EYA1: variants seen among roughly 807,000 people sequenced by gnomAD.
EYA1 encodes the protein EYA transcriptional coactivator and phosphatase 1, also known as protein phosphatase EYA1.
A neutral mutation model predicts 82.0 loss-of-function variants in EYA1; 16 were observed. The observed-to-expected ratio is 0.20, with a 90% CI of 0.13 to 0.30. The LOEUF is 0.30. Ranked by LOEUF, EYA1 falls within the 10% of genes least tolerant of loss-of-function variation. The pLI, the probability that EYA1 is intolerant of heterozygous loss-of-function variation, is 1.00. For missense variants in EYA1, 633 were observed against 730.7 expected, an observed-to-expected ratio of 0.87 and a Z score of 1.54; for synonymous variants, 261 against 264.4, an observed-to-expected ratio of 0.99 and a Z score of 0.12.
intron 2 of EYA1, chr8:71,448,962 T>G (rs1278827702): frequency 6.0e-6 from 1 of 165,742 alleles, no homozygotes; most frequent in Non-Finnish European, 1.4e-5. Flanking sequence ...CTTCTTGCCT[T>G]ATGTCATGAA....
Position 71,374,017 on chromosome 8 carries a change from T to C in EYA1, c.34-17506A>G, listed in dbSNP as rs1160320809. The stretch of plus-strand genomic sequence containing the variant: ...TGGATTAAAGATCTAAATGTAAGAC[T>C]TGATACCATACAACTCTTAGAAGAA... On this transcript the variant is annotated intron_variant, in intron 2 of 18. Transcript: ENST00000643681. Among the ~76,000 whole-genome samples, 4 of 152,144 alleles carry C rather than the reference T, an allele frequency of 2.6e-5. No individual in the cohort carries two copies. The East Asian group carries it at 7.7e-4, about 29-fold the overall frequency.
chr8:71,495,093 G>A (rs963998322), intron 2 of EYA1, among the ~76,000 whole-genome samples: 2 of 151,612 alleles, frequency 1.3e-5, no homozygotes, highest in East Asian at 1.9e-4. Context: ...TAAAAAAAAA[G>A]AAAGAAAAGA....
At chr8:71,509,989 G>T (rs1812474516) in intron 2 of EYA1, among the ~76,000 whole-genome samples, 1 of 151,402 alleles carries the variant, frequency 6.6e-6, no homozygotes, top group Admixed American at 6.6e-5. Flanking sequence ...GGTATTTTTA[G>T]ATTATTGTTC....
chr8:71,244,576 A>G, intron 12 of EYA1, 27 bp downstream of exon 12: 1 of 1,205,874 alleles, frequency 8.3e-7, no homozygotes, highest in Non-Finnish European at 1.2e-6. Context: ...AGACATGCAA[A>G]AATATGTATT....
At chr8:71,497,903 C>T (rs989509505) in intron 2 of EYA1, among the ~76,000 whole-genome samples, 2 of 151,852 alleles carry the variant, frequency 1.3e-5, no homozygotes, top group African/African-American at 2.4e-5. Flanking sequence ...CTGTCATTTG[C>T]GAGAACATAA....
At chr8:71,348,489 C>CTATT (rs976260896) in intron 3 of EYA1, among the ~76,000 whole-genome samples, 1 of 152,212 alleles carries the variant, frequency 6.6e-6, no homozygotes, top group Admixed American at 6.5e-5. Context: ...ATTCTCTGCA[C>CTATT]TATTAGCAAT....
chr8:71,403,320 T>A (rs1189622862), intron 2 of EYA1: 1 of 152,216 alleles, frequency 6.6e-6, no homozygotes, highest in Non-Finnish European at 1.5e-5. Context: ...GTATCATTAC[T>A]ATCAAACCTA....
intron 2 of EYA1, among the ~76,000 whole-genome samples, chr8:71,486,677 C>T (rs1205531251): frequency 2.0e-5 from 3 of 152,192 alleles, no homozygotes; most frequent in Non-Finnish European, 4.4e-5. Flanking sequence ...GACCTGACAG[C>T]AGGGGCAGAT....
chr8:71,452,514 C>G (rs915848239), intron 2 of EYA1, among the ~76,000 whole-genome samples: 5 of 152,156 alleles, frequency 3.3e-5, no homozygotes, highest in African/African-American at 1.2e-4. Context: ...CTGGGAGGCA[C>G]CCCCCAGTAG....
At chr8:71,527,011 T>C (rs1813867531) in intron 2 of EYA1, among the ~76,000 whole-genome samples, 1 of 152,196 alleles carries the variant, frequency 6.6e-6, no homozygotes, top group Admixed American at 6.5e-5. Flanking sequence ...AAATTGTATA[T>C]GATACTATAC....
At position 71,202,248 on chromosome 8, in the gene EYA1, T is replaced by TAAA. The variant is rs57115257; in HGVS notation, c.1699-2831_1699-2829dup. Among the ~76,000 whole-genome samples, 7 of 147,638 alleles carry TAAA rather than the reference T, an allele frequency of 4.7e-5. No individual in the cohort carries two copies. In the East Asian group the frequency reaches 9.8e-4, roughly 21 times the overall value. On this transcript the variant is annotated intron_variant, in intron 17 of 17. Transcript: ENST00000340726. Reference sequence around the variant, plus strand: ...CTCTCAGAGAAATCAAAAAGGGAACTAAAAAAAAAAAATCCAGCTACTTCT... The same window carrying TAAA: ...CTCTCAGAGAAATCAAAAAGGGAACTAAAAAAAAAAAAAAATCCAGCTACTTCT...
intron 2 of EYA1, among the ~76,000 whole-genome samples, chr8:71,481,291 G>A (rs1179741569): frequency 6.6e-6 from 1 of 152,124 alleles, no homozygotes; most frequent in Non-Finnish European, 1.5e-5. Context: ...GTATTTGCAT[G>A]AGTAGCATTT....
intron 2 of EYA1, among the ~76,000 whole-genome samples, chr8:71,521,962 T>A (rs1014304762): frequency 3.3e-5 from 5 of 152,192 alleles, no homozygotes; most frequent in African/African-American, 1.2e-4. Context: ...AAACTGAAGC[T>A]TATAAAGCTT....
At chr8:71,329,093 C>T (rs146012902) in intron 4 of EYA1, among the ~76,000 whole-genome samples, 60 of 152,196 alleles carry the variant, frequency 3.9e-4, no homozygotes, top group African/African-American at 1.2e-3. Flanking sequence ...ATGAAGGGTG[C>T]GGAACTAACT....
intron 12 of EYA1, among the ~76,000 whole-genome samples, chr8:71,226,581 C>G (rs965804263): frequency 6.7e-6 from 1 of 149,838 alleles, no homozygotes; most frequent in Non-Finnish European, 1.5e-5. Flanking sequence ...AACTTTTAAA[C>G]AAAATGAGCT....
intron 4 of EYA1, among the ~76,000 whole-genome samples, chr8:71,332,496 A>G (rs1824000064): frequency 1.3e-5 from 2 of 152,146 alleles, no homozygotes; most frequent in Non-Finnish European, 2.9e-5. Flanking sequence ...TACTTCGTAA[A>G]TGAAATGCAC....
At chr8:71,415,940 C>A (rs73687705) in intron 2 of EYA1, among the ~76,000 whole-genome samples, 104 of 152,308 alleles carry the variant, frequency 6.8e-4, no homozygotes, top group African/African-American at 2.3e-3. Flanking sequence ...GACAAGGACG[C>A]AGTGCTTAAG....
At chr8:71,331,859 T>C (rs547522294) in intron 4 of EYA1, among the ~76,000 whole-genome samples, 4 of 152,194 alleles carry the variant, frequency 2.6e-5, no homozygotes, top group Non-Finnish European at 5.9e-5. Flanking sequence ...TGTTTTGTTT[T>C]TGTTTTGAGA....
chr8:71,231,867 T>G (rs1811238466), intron 12 of EYA1, among the ~76,000 whole-genome samples: 1 of 152,220 alleles, frequency 6.6e-6, no homozygotes, highest in South Asian at 2.1e-4. Context: ...TGGGCAACTA[T>G]GGCTTGCAGG....
Sources: gnomAD v4.1 joint callset for allele counts (sites outside exome capture counted in the v4.1 genomes callset) on GRCh38, gnomAD v4.1.1 for gene constraint, MANE v1.5 for transcripts, NCBI Gene and HGNC (gene_info 2026-07-23, HGNC 2026-07-21) for gene names.